The following SLC30A5 variants were observed in gnomAD, a reference collection of about 807,000 sequenced individuals.
SLC30A5 encodes proton-coupled zinc antiporter SLC30A5.
A neutral mutation model predicts 79.6 loss-of-function variants in SLC30A5; 33 were observed. The observed-to-expected ratio is 0.41, with a 90% CI of 0.31 to 0.55. SLC30A5 has a LOEUF of 0.55. Ranked by LOEUF, SLC30A5 falls within the 20% of genes least tolerant of loss-of-function variation. The pLI, the probability that SLC30A5 is intolerant of heterozygous loss-of-function variation, is 0.20. For synonymous variants in SLC30A5, 299 were observed against 319.7 expected, an observed-to-expected ratio of 0.94 and a Z score of 0.69; for missense variants, 788 against 928.1, an observed-to-expected ratio of 0.85 and a Z score of 1.96.
chr5:69,123,279 T>G lies in SLC30A5; in HGVS notation c.1852T>G (p.Trp618Gly). The change falls in exon 14 of 16, where the codon TGG becomes GGG. Residue 618 changes from tryptophan (W) to glycine (G), a missense_variant. By Grantham distance (184) the Trp-to-Gly change is radical (BLOSUM62 -2). Coordinates refer to ENST00000396591, the MANE Select transcript of SLC30A5 (RefSeq NM_022902.5). The stretch of plus-strand genomic sequence containing the variant: ...CACAGTTCTTATAGAGCAGTTTGGA[T>G]GGTTCATCGCTGACCCACTCTGTTC... ...VSTVLIEQFG[W>G]FIADPLCSLF... The G allele has an allele frequency of 6.2e-7, 1 of 1,614,130 alleles. No individual in the cohort carries two copies. Among genetic ancestry groups the G allele is most frequent in the Non-Finnish European group, 8.5e-7 (1 of 1,179,998 alleles).
chr5:69,117,614 C>A (rs182528108), intron 11 of SLC30A5, among the ~76,000 whole-genome samples: 2 of 152,194 alleles, frequency 1.3e-5, no homozygotes, highest in East Asian at 3.8e-4. Flanking sequence ...CAGTGGCTCA[C>A]GCCTGTAATC....
At position 69,103,057 on chromosome 5, in the gene SLC30A5, T is replaced by A. The variant is rs193247366; in HGVS notation, c.207-5T>A. Reference sequence around the variant, plus strand: ...ATTAATATATTAATGTTTCAATATTTACAGGACTGCATTTTTTATGGTTTT... The same window carrying A: ...ATTAATATATTAATGTTTCAATATTAACAGGACTGCATTTTTTATGGTTTT... On this transcript the variant is annotated splice_polypyrimidine_tract_variant and splice_region_variant and intron_variant, in intron 2 of 15. Coordinates refer to ENST00000396591, the MANE Select transcript of SLC30A5 (RefSeq NM_022902.5). 48 of 1,462,748 alleles carry A rather than the reference T, an allele frequency of 3.3e-5. 1 individual carries two copies. In the African/African-American group the frequency reaches 4.8e-4, roughly 15 times the overall value. 90.6% of individuals were successfully genotyped at this position (1,462,748 alleles called of 1,614,324 possible).
intron 5 of SLC30A5, among the ~76,000 whole-genome samples, chr5:69,111,301 CTTT>C (rs1278967720): frequency 9.0e-6 from 1 of 111,014 alleles, no homozygotes; most frequent in African/African-American, 3.5e-5. Context: ...CTTTTTTTTT[CTTT>C]TTCTTTTTTT....
chr5:69,105,767 C>T (rs1580170883), intron 4 of SLC30A5, among the ~76,000 whole-genome samples: 1 of 152,108 alleles, frequency 6.6e-6, no homozygotes, highest in Admixed American at 6.5e-5. Context: ...AGGTGAGCCA[C>T]GGGGGAGCAA....
At chr5:69,129,143 T>C (rs1221805470) in intron 15 of SLC30A5, among the ~76,000 whole-genome samples, 1 of 152,194 alleles carries the variant, frequency 6.6e-6, no homozygotes, top group Non-Finnish European at 1.5e-5. Context: ...AGGTTTAATA[T>C]TCCTTATCTA....
chr5:69,107,259 C>T (rs1354173083), intron 4 of SLC30A5, among the ~76,000 whole-genome samples: 2 of 152,164 alleles, frequency 1.3e-5, no homozygotes, highest in Admixed American at 6.5e-5. Context: ...CATCTTGTCC[C>T]ACTAGAAAGT....
At position 69,124,512 on chromosome 5, in the gene SLC30A5, T is replaced by A. The variant is rs541306235; in HGVS notation, c.1998+1087T>A. 8.1e-4 allele frequency among the ~76,000 whole-genome samples: 124 copies of A among 152,298 alleles called. No individual in the cohort carries two copies. In the Middle Eastern group the frequency reaches 0.014, roughly 17 times the overall value. On this transcript the variant is annotated intron_variant, in intron 14 of 15. Coordinates refer to ENST00000396591, the MANE Select transcript of SLC30A5 (RefSeq NM_022902.5). The stretch of plus-strand genomic sequence containing the variant: ...ATCTCTATACCATATTATATAAAAA[T>A]ACATTTCCAGTGGATTAAATATGTA...
intron 12 of SLC30A5, among the ~76,000 whole-genome samples, chr5:69,120,145 G>T (rs1746497474): frequency 1.3e-5 from 2 of 151,134 alleles, no homozygotes; most frequent in African/African-American, 4.9e-5. Context: ...CTATATAATA[G>T]AATATTACAG....
chr5:69,126,629 G>T (rs575443937), intron 14 of SLC30A5, among the ~76,000 whole-genome samples: 2 of 151,864 alleles, frequency 1.3e-5, no homozygotes, highest in Admixed American at 6.6e-5. Context: ...AATTAGCTGG[G>T]TGTGGTGGCA....
chr5:69,127,481 A>T (rs12519252), intron 14 of SLC30A5, among the ~76,000 whole-genome samples: 6 of 91,056 alleles, frequency 6.6e-5, no homozygotes, highest in Admixed American at 1.1e-4. Flanking sequence ...TACAAAAAAA[A>T]AAAAAAAAAA....
chr5:69,099,575 TC>T (rs1561286360), intron 1 of SLC30A5, among the ~76,000 whole-genome samples: 1 of 152,158 alleles, frequency 6.6e-6, no homozygotes, highest in Non-Finnish European at 1.5e-5. Flanking sequence ...CTAGAGATCC[TC>T]GTCTTTTCAG....
Position 69,108,367 on chromosome 5 carries a change from G to A in SLC30A5, c.378G>A (p.Glu126=). ...CGPLRTLLLF[E]HSDIVVISLL... is the part of the protein sequence containing the mutation. Reference sequence around the variant, plus strand: ...TTTGTAGGACTTTGCTGCTATTTGAGCACAGTGATATTGTTGTCATTTCAC... The same window carrying A: ...TTTGTAGGACTTTGCTGCTATTTGAACACAGTGATATTGTTGTCATTTCAC... The change falls in exon 5 of 16, where the codon GAG becomes GAA. Residue 126 remains glutamate, a synonymous_variant. Coordinates refer to ENST00000396591, the MANE Select transcript of SLC30A5 (RefSeq NM_022902.5). 1 of 1,613,078 alleles carries A rather than the reference G, an allele frequency of 6.2e-7. No homozygotes were observed. The highest frequency in any genetic ancestry group is 8.5e-7 in the Non-Finnish European group (1 of 1,179,346).
At position 69,123,250 on chromosome 5, in the gene SLC30A5, T is replaced by C; in HGVS notation, c.1823T>C (p.Val608Ala). Reference sequence around the variant, plus strand: ...ACACTTGGCAGCATTGGTGTGATCGTATCCACAGTTCTTATAGAGCAGTTT... The same window carrying C: ...ACACTTGGCAGCATTGGTGTGATCGCATCCACAGTTCTTATAGAGCAGTTT... The part of the protein sequence containing the change: ...ADTLGSIGVI[V>A]STVLIEQFGW... The change falls in exon 14 of 16, where the codon GTA (valine) becomes GCA (alanine). Residue 608 changes from valine to alanine, a missense_variant. Transcript: ENST00000396591. 6.2e-7 allele frequency: 1 copy of C among 1,613,966 alleles called. No homozygotes were observed. Among genetic ancestry groups the C allele is most frequent in the Non-Finnish European group, 8.5e-7 (1 of 1,179,944 alleles).
intron 6 of SLC30A5, 143 bp downstream of exon 6, chr5:69,113,370 A>G (rs111786097): frequency 8.8e-6 from 5 of 568,714 alleles, no homozygotes; most frequent in African/African-American, 7.7e-5. Flanking sequence ...ATTCTAAATC[A>G]GTATTCAAAT....
chr5:69,121,572 T>G (rs1479258777), intron 12 of SLC30A5, 122 bp from the exon 13 acceptor site: 1 of 681,200 alleles, frequency 1.5e-6, no homozygotes, highest in East Asian at 2.9e-5. Flanking sequence ...CTTAGTAAGG[T>G]TTTACTGTGA....
In SLC30A5 at chr5:69,122,577, C is replaced by T. The variant is rs554517448; in HGVS notation, c.1772-622C>T. Among the ~76,000 whole-genome samples the T allele has an allele frequency of 2.6e-5, 4 of 152,320 alleles. No homozygotes were observed. The South Asian group carries it at 8.3e-4, about 32-fold the overall frequency. Reference sequence around the variant, plus strand: ...GCTGAGACACGAGAATCACTTGAACCTGGGAGATGGAGGTTGCAGTGAGCC... The same window carrying T: ...GCTGAGACACGAGAATCACTTGAACTTGGGAGATGGAGGTTGCAGTGAGCC... On this transcript the variant is annotated intron_variant, in intron 13 of 15. Coordinates refer to ENST00000396591, the MANE Select transcript of SLC30A5 (RefSeq NM_022902.5).
At chr5:69,095,345 CAT>C (rs1472147398) in intron 1 of SLC30A5, among the ~76,000 whole-genome samples, 3 of 152,040 alleles carry the variant, frequency 2.0e-5, no homozygotes, top group Non-Finnish European at 2.9e-5. Flanking sequence ...GGATTATAGA[CAT>C]ACTCCACCAC....
At chr5:69,127,501 C>T (rs868788202) in intron 14 of SLC30A5, among the ~76,000 whole-genome samples, 6 of 147,454 alleles carry the variant, frequency 4.1e-5, no homozygotes, top group African/African-American at 1.5e-4. Flanking sequence ...AAAAATTTAG[C>T]CAGGCGTGGT....
chr5:69,127,756 A>G (rs1189897108), intron 14 of SLC30A5, among the ~76,000 whole-genome samples: 1 of 152,304 alleles, frequency 6.6e-6, no homozygotes, highest in East Asian at 1.9e-4. Context: ...ACACATCTGT[A>G]GCCTCCAGAA....
Sources: allele counts gnomAD v4.1 joint callset (sites outside exome capture counted in the v4.1 genomes callset), GRCh38; gene constraint gnomAD v4.1.1; transcripts MANE v1.5; gene names NCBI Gene and HGNC (gene_info 2026-07-23, HGNC 2026-07-21).